GREB1: variants seen among roughly 807,000 people sequenced by gnomAD.
GREB1 encodes the protein growth regulating estrogen receptor binding 1, also known as protein GREB1.
In GREB1, 106 loss-of-function variants were observed where a neutral mutation model predicts 200.7. The ratio of observed to expected loss-of-function variants is 0.53; its 90% confidence interval spans 0.45 to 0.62. GREB1 has a LOEUF of 0.62. Ranked by LOEUF, GREB1 falls within the 20% of genes least tolerant of loss-of-function variation. GREB1 has a pLI of 0.00. For missense variants in GREB1, 2,243 were observed against 2,556.8 expected, an observed-to-expected ratio of 0.88 and a Z score of 2.65; for synonymous variants, 1,132 against 1,092.4, an observed-to-expected ratio of 1.04 and a Z score of -0.72.
At chr2:11,485,281 T>A (rs1261037543) in intron 1 of GREB1, among the ~76,000 whole-genome samples, 30 of 147,116 alleles carry the variant, frequency 2.0e-4, no homozygotes, top group African/African-American at 7.3e-4. Flanking sequence ...ATGTATTTTT[T>A]TTTTTTTTTG....
chr2:11,601,326 G>A (rs532169577), intron 16 of GREB1, among the ~76,000 whole-genome samples: 1 of 152,320 alleles, frequency 6.6e-6, no homozygotes, highest in Admixed American at 6.5e-5. Flanking sequence ...GGCGCTGGGG[G>A]CTTTGGGCTC....
intron 1 of GREB1, among the ~76,000 whole-genome samples, chr2:11,497,401 T>C (rs1269622790): frequency 6.6e-6 from 1 of 152,238 alleles, no homozygotes; most frequent in African/African-American, 2.4e-5. Context: ...GTTTCCAGTT[T>C]TTGGCTCTTA....
upstream of GREB1, among the ~76,000 whole-genome samples, chr2:11,533,498 C>T (rs904212537): frequency 6.6e-6 from 1 of 152,182 alleles, no homozygotes; most frequent in Admixed American, 6.5e-5. Context: ...AGGGACTGGA[C>T]CCAGGCACAC....
chr2:11,483,687 G>GGTGTGTGTGTGTGTGTGT (rs57352590), intron 1 of GREB1, among the ~76,000 whole-genome samples: 1 of 132,306 alleles, frequency 7.6e-6, no homozygotes, highest in Non-Finnish European at 1.6e-5. Context: ...TACAAGAAGG[G>GGTGTGTGTGTGTGTGTGT]GTGTGTGTGT....
chr2:11,588,777 C>A lies in GREB1; in HGVS notation c.1191C>A (p.Asn397Lys). 2 of 1,614,186 alleles carry A rather than the reference C, an allele frequency of 1.2e-6. No individual in the cohort carries two copies. The highest frequency in any genetic ancestry group is 1.7e-6 in the Non-Finnish European group (2 of 1,180,018). The change falls in exon 10 of 33, where the codon AAC (asparagine) becomes AAA (lysine). Residue 397 changes from asparagine (N) to lysine (K), a missense_variant. Asn to Lys is a moderately conservative substitution (Grantham distance 94). This residue lies in a region of GREB1 where 1,178 missense variants were observed against 1,387.4 expected (regional missense o/e 0.85). Transcript: ENST00000381486. ...GHGNFPYLCG[N>K]LNDVVVSPLL... ...GGAACTTCCCTTACCTCTGTGGGAA[C>A]CTGAATGACGTCGTGGTCAGCCCCC...
chr2:11,578,193 T>C, intron 5 of GREB1, 104 bp from the exon 6 acceptor site: 2 of 1,266,250 alleles, frequency 1.6e-6, no homozygotes, highest in Admixed American at 2.0e-5. Context: ...TGTGGCTGTC[T>C]CCATAGCTCA....
intron 28 of GREB1, 57 bp from the exon 29 acceptor site, chr2:11,634,074 G>A: frequency 3.3e-6 from 5 of 1,520,550 alleles, no homozygotes; most frequent in Non-Finnish European, 4.6e-6. Flanking sequence ...CTGGTCCCAA[G>A]GACCTTGCTG....
At position 11,635,298 on chromosome 2, in the gene GREB1, C is replaced by T. The variant is rs747392224; in HGVS notation, c.5239C>T (p.Leu1747=). 1.9e-6 allele frequency: 3 copies of T among 1,614,222 alleles called. No homozygotes were observed. The highest frequency in any genetic ancestry group is 2.5e-6 in the Non-Finnish European group (3 of 1,180,034). ...CCTGTGTGACGATGTAGACTTCAACCTGCGGGTGCACAGCGCCGGCCTCCT... is the reference window on the plus strand; with the variant it reads ...CCTGTGTGACGATGTAGACTTCAACTTGCGGGTGCACAGCGCCGGCCTCCT... ...RFLCDDVDFN[L]RVHSAGLLLC... Residue 1747 remains leucine (L), a synonymous_variant, in exon 30 of 33, where the codon CTG becomes TTG. Coordinates refer to ENST00000381486, the MANE Select transcript of GREB1 (RefSeq NM_014668.4).
chr2:11,602,911 A>G (rs1011729071), intron 17 of GREB1, among the ~76,000 whole-genome samples: 4 of 152,232 alleles, frequency 2.6e-5, no homozygotes, highest in African/African-American at 7.2e-5. Context: ...CATATCATGT[A>G]TTGAATGTTT....
intron 1 of GREB1, among the ~76,000 whole-genome samples, chr2:11,538,793 T>C (rs1478585222): frequency 1.1e-4 from 3 of 26,556 alleles, no homozygotes. Flanking sequence ...CCTTCCTTCC[T>C]TCCCTTCTTT....
intron 1 of GREB1, among the ~76,000 whole-genome samples, chr2:11,486,400 C>CCT (rs1276881639): frequency 6.6e-6 from 1 of 152,160 alleles, no homozygotes; most frequent in Non-Finnish European, 1.5e-5. Context: ...AAGTAATCCT[C>CCT]CTGTCTCACT....
At chr2:11,561,450 A>C in intron 2 of GREB1, 1 of 143,754 alleles carries the variant, frequency 7.0e-6, no homozygotes, top group East Asian at 2.0e-4. Context: ...TGCAACCTCC[A>C]CCTCCCAGGT....
Position 11,612,621 on chromosome 2 carries a change from G to A in GREB1, c.3122+11G>A. 1 of 1,564,606 alleles carries A rather than the reference G, an allele frequency of 6.4e-7. No individual in the cohort carries two copies. Among genetic ancestry groups the A allele is most frequent in the Non-Finnish European group, 8.8e-7 (1 of 1,136,698 alleles). ...GGAGTCCTTGCCGAGGTGAGTGGAGGGGTTATGCCCCTGGGGGTCTCTGAG... is the reference window on the plus strand; with the variant it reads ...GGAGTCCTTGCCGAGGTGAGTGGAGAGGTTATGCCCCTGGGGGTCTCTGAG... On this transcript the variant is annotated intron_variant, in intron 19 of 32. Transcript: ENST00000381486.
chr2:11,574,246 C>T (rs918159568), intron 4 of GREB1, among the ~76,000 whole-genome samples: 1 of 152,232 alleles, frequency 6.6e-6, no homozygotes, highest in Non-Finnish European at 1.5e-5. Context: ...TACACTGGCA[C>T]ACACACAGCT....
chr2:11,553,430 G>A (rs1037123193), intron 1 of GREB1, among the ~76,000 whole-genome samples: 1 of 151,914 alleles, frequency 6.6e-6, no homozygotes, highest in Non-Finnish European at 1.5e-5. Context: ...TTGCAGAATC[G>A]AGATCATGCC....
intron 15 of GREB1, among the ~76,000 whole-genome samples, chr2:11,599,519 A>G (rs1005742051): frequency 3.0e-5 from 3 of 99,784 alleles, no homozygotes; most frequent in African/African-American, 1.3e-4. Context: ...TCGTTTTTGT[A>G]TTTTTTTTTT....
chr2:11,495,047 C>G (rs1009308674), intron 1 of GREB1, among the ~76,000 whole-genome samples: 12 of 152,166 alleles, frequency 7.9e-5, no homozygotes, highest in Admixed American at 2.6e-4. Context: ...GGAGGAGGGT[C>G]TCCCCCGCTT....
At chr2:11,547,512 A>G (rs1220662420) in intron 1 of GREB1, among the ~76,000 whole-genome samples, 2 of 152,162 alleles carry the variant, frequency 1.3e-5, no homozygotes, top group East Asian at 1.9e-4. Flanking sequence ...CTTCTCTTCT[A>G]CTGAGATTCC....
At chr2:11,546,310 G>C (rs957628630) in intron 1 of GREB1, among the ~76,000 whole-genome samples, 5 of 152,068 alleles carry the variant, frequency 3.3e-5, no homozygotes, top group African/African-American at 1.2e-4. Context: ...AAAATTTCCT[G>C]GCACATAGTA....
Sources: gnomAD v4.1 joint callset for allele counts (sites outside exome capture counted in the v4.1 genomes callset) on GRCh38, gnomAD v4.1.1 for gene constraint, gnomAD v4.1.1 regional missense constraint, MANE v1.5 for transcripts, NCBI Gene and HGNC (gene_info 2026-07-23, HGNC 2026-07-21) for gene names.